The following KLHL3 variants were observed in gnomAD, a reference collection of about 807,000 sequenced individuals.
KLHL3 encodes kelch like family member 3.
KLHL3 carries 19 observed loss-of-function variants against 70.5 expected under a neutral mutation model. The observed-to-expected ratio is 0.27, with a 90% CI of 0.19 to 0.40. KLHL3 has a LOEUF of 0.40. KLHL3 is among the 10% of genes least tolerant of loss of function. The probability of loss-of-function intolerance (pLI) is 1.00; values close to 1 mark genes in which losing one functional copy is unlikely to be tolerated. For missense variants in KLHL3, 512 were observed against 771.1 expected (o/e 0.66, Z 3.98); for synonymous variants, 258 against 290.3 (o/e 0.89, Z 1.13).
intron 8 of KLHL3, among the ~76,000 whole-genome samples, chr5:137,651,524 C>A (rs1240731919): frequency 1.3e-5 from 2 of 152,116 alleles, no homozygotes; most frequent in African/African-American, 2.4e-5. Flanking sequence ...ACATGTAAGA[C>A]CCATAAACTG....
At chr5:137,680,298 A>G (rs1165581870) in intron 5 of KLHL3, among the ~76,000 whole-genome samples, 2 of 152,078 alleles carry the variant, frequency 1.3e-5, no homozygotes, top group Admixed American at 1.3e-4. Context: ...GGGTCAGAAG[A>G]CCTGGGTTCA....
intron 1 of KLHL3, among the ~76,000 whole-genome samples, chr5:137,724,555 G>A (rs1407773396): frequency 6.6e-6 from 1 of 152,180 alleles, no homozygotes; most frequent in African/African-American, 2.4e-5. Flanking sequence ...TAGAGCCTCC[G>A]TAAAAGAGCA....
At chr5:137,658,725 G>A (rs1223148232) in intron 7 of KLHL3, among the ~76,000 whole-genome samples, 1 of 152,118 alleles carries the variant, frequency 6.6e-6, no homozygotes, top group African/African-American at 2.4e-5. Flanking sequence ...GAAAGGGTGT[G>A]GGAGCCATCA....
At chr5:137,723,564 T>C (rs1753037543) in intron 1 of KLHL3, among the ~76,000 whole-genome samples, 1 of 152,222 alleles carries the variant, frequency 6.6e-6, no homozygotes, top group African/African-American at 2.4e-5. Flanking sequence ...AAAATGTAGT[T>C]TTTGCAAATT....
intron 8 of KLHL3, 82 bp downstream of exon 8, chr5:137,658,049 G>A: frequency 1.4e-6 from 2 of 1,386,874 alleles, no homozygotes; most frequent in South Asian, 1.4e-5. Context: ...CCATGGGTGA[G>A]GAAAGACTTG....
chr5:137,703,984 A>C (rs896707692), intron 3 of KLHL3, among the ~76,000 whole-genome samples: 2 of 152,184 alleles, frequency 1.3e-5, no homozygotes, highest in African/African-American at 4.8e-5. Context: ...AACTATCTAC[A>C]CAGTGCTGAG....
intron 3 of KLHL3, among the ~76,000 whole-genome samples, chr5:137,709,397 G>T (rs1179317108): frequency 1.3e-5 from 2 of 152,208 alleles, no homozygotes; most frequent in Non-Finnish European, 2.9e-5. Context: ...CTCAGCCTCA[G>T]TGTCCTCCAT....
chr5:137,725,246 A>G (rs1580788802), intron 1 of KLHL3, among the ~76,000 whole-genome samples: 1 of 151,912 alleles, frequency 6.6e-6, no homozygotes, highest in South Asian at 2.1e-4. Flanking sequence ...CATACTTTTC[A>G]CCCTACCCAG....
chr5:137,692,454 G>A lies in KLHL3; in HGVS notation c.364-7C>T. The A allele has an allele frequency of 6.2e-7, 1 of 1,613,786 alleles. No homozygotes were observed. The highest frequency in any genetic ancestry group is 8.5e-7 in the Non-Finnish European group (1 of 1,179,872). ...TGGCTGCCGGGAGCAGCACCTGCAA[G>A]AGAAGGTGACATTCTCAGATATTGG... On this transcript the variant is annotated splice_region_variant and splice_polypyrimidine_tract_variant and intron_variant, in intron 4 of 14. Transcript: ENST00000309755.
At chr5:137,703,257 T>C (rs1460154841) in intron 3 of KLHL3, among the ~76,000 whole-genome samples, 1 of 152,182 alleles carries the variant, frequency 6.6e-6, no homozygotes, top group Non-Finnish European at 1.5e-5. Flanking sequence ...TTTAGTCTCA[T>C]GTTCTGGGTA....
At chr5:137,641,269 T>A (rs1467571716) in intron 8 of KLHL3, among the ~76,000 whole-genome samples, 1 of 152,192 alleles carries the variant, frequency 6.6e-6, no homozygotes, top group Non-Finnish European at 1.5e-5. Flanking sequence ...GTAGCTTGTC[T>A]TATTTACCCA....
intron 8 of KLHL3, among the ~76,000 whole-genome samples, chr5:137,641,292 C>G (rs1750908435): frequency 6.6e-6 from 1 of 152,150 alleles, no homozygotes; most frequent in South Asian, 2.1e-4. Flanking sequence ...GGTTCTCAAA[C>G]TTGAGCATAC....
chr5:137,631,350 T>C (rs1268987180), intron 12 of KLHL3, among the ~76,000 whole-genome samples: 1 of 152,180 alleles, frequency 6.6e-6, no homozygotes, highest in Non-Finnish European at 1.5e-5. Flanking sequence ...ATCATAGAGC[T>C]TCTGGTTTTC....
chr5:137,656,123 G>A (rs540236695), intron 8 of KLHL3, among the ~76,000 whole-genome samples: 1 of 150,906 alleles, frequency 6.6e-6, no homozygotes, highest in East Asian at 1.9e-4. Context: ...ATGAAATCAA[G>A]ATTAATCTCA....
chr5:137,645,766 T>C (rs576783814), intron 8 of KLHL3, among the ~76,000 whole-genome samples: 63 of 146,190 alleles, frequency 4.3e-4, no homozygotes, highest in Non-Finnish European at 8.5e-4. Flanking sequence ...CTTATCAAAC[T>C]ACCAATGACA....
chr5:137,632,055 C>G (rs1750650881), intron 12 of KLHL3, among the ~76,000 whole-genome samples: 2 of 152,272 alleles, frequency 1.3e-5, no homozygotes, highest in Non-Finnish European at 2.9e-5. Flanking sequence ...TTGGAAGAAT[C>G]AATATCATTA....
At chr5:137,708,268 A>G (rs145063995) in intron 3 of KLHL3, among the ~76,000 whole-genome samples, 1 of 152,134 alleles carries the variant, frequency 6.6e-6, no homozygotes, top group Non-Finnish European at 1.5e-5. Context: ...CATGTGACAA[A>G]CTCTCAGTGC....
chr5:137,732,373 A>C (rs980346742), intron 1 of KLHL3, among the ~76,000 whole-genome samples: 2 of 151,774 alleles, frequency 1.3e-5, no homozygotes, highest in African/African-American at 4.8e-5. Context: ...AGGCTAGTGC[A>C]AATTCACAAG....
intron 6 of KLHL3, among the ~76,000 whole-genome samples, chr5:137,668,453 G>C (rs1260278821): frequency 6.6e-6 from 1 of 152,056 alleles, no homozygotes. Context: ...TGTTGAGTTG[G>C]GGAACTAACT....
Sources: allele counts gnomAD v4.1 joint callset (sites outside exome capture counted in the v4.1 genomes callset), GRCh38; gene constraint gnomAD v4.1.1; transcripts MANE v1.5; gene names NCBI Gene and HGNC (gene_info 2026-07-23, HGNC 2026-07-21).